STIMATE: variants seen among roughly 807,000 people sequenced by gnomAD.
STIMATE encodes the protein STIM activating enhancer.
Under a neutral mutation model 36.7 loss-of-function variants are expected in STIMATE, and 15 were observed. The observed-to-expected ratio is 0.41, with a 90% CI of 0.27 to 0.63. The LOEUF (loss-of-function observed/expected upper bound fraction) is 0.63, where lower values mean the gene tolerates loss of function less well. Ranked by LOEUF, STIMATE falls within the 20% of genes least tolerant of loss-of-function variation. The pLI, the probability that STIMATE is intolerant of heterozygous loss-of-function variation, is 0.32. For missense variants in STIMATE, 305 were observed against 397.3 expected (o/e 0.77, Z 1.98); for synonymous variants, 163 against 162.3 (o/e 1.00, Z -0.03).
rs114663536 is a variant in STIMATE, at chr3:52,851,689, C to T, written c.305+914G>A. Among the ~76,000 whole-genome samples the T allele has an allele frequency of 8.4e-3, 1,279 of 152,308 alleles. 20 individuals carry two copies. Among genetic ancestry groups the T allele is most frequent in the African/African-American group, 0.028 (1,183 of 41,554 alleles). The stretch of plus-strand genomic sequence containing the variant: ...TTGTGTCCAAAGCATCTCACGCCTG[C>T]GAGAACAAGGACATGTGATGTACAT... On this transcript the variant is annotated intron_variant, in intron 3 of 7. Coordinates refer to ENST00000355083, the MANE Select transcript of STIMATE (RefSeq NM_198563.5).
intron 1 of STIMATE, among the ~76,000 whole-genome samples, chr3:52,884,370 C>T (rs1413181755): frequency 2.6e-5 from 4 of 151,942 alleles, no homozygotes; most frequent in African/African-American, 7.3e-5. Flanking sequence ...CTCAGCCTCC[C>T]GAGTACCTGG....
chr3:52,842,065 A>G (rs1425110409), intron 7 of STIMATE, among the ~76,000 whole-genome samples: 2 of 152,182 alleles, frequency 1.3e-5, no homozygotes, highest in Non-Finnish European at 2.9e-5. Context: ...ATCTTAGAAC[A>G]TATTACGGTG....
At chr3:52,846,101 C>T (rs1700894495) in intron 4 of STIMATE, among the ~76,000 whole-genome samples, 1 of 152,248 alleles carries the variant, frequency 6.6e-6, no homozygotes, top group Non-Finnish European at 1.5e-5. Context: ...AGCCTGTCAG[C>T]TGTACACAAG....
chr3:52,847,093 A>T, intron 4 of STIMATE: 1 of 475,586 alleles, frequency 2.1e-6, no homozygotes, highest in Non-Finnish European at 2.7e-6. Context: ...TTTTTTTTGT[A>T]GAGACGGGAT....
intron 1 of STIMATE, among the ~76,000 whole-genome samples, chr3:52,874,247 T>C (rs1173641264): frequency 1.3e-5 from 2 of 152,226 alleles, no homozygotes; most frequent in Non-Finnish European, 1.5e-5. Context: ...GTGAGTTTTA[T>C]GGTACATAAA....
intron 2 of STIMATE, 43 bp downstream of exon 2, chr3:52,855,353 T>C: frequency 1.4e-6 from 1 of 725,984 alleles, no homozygotes; most frequent in Admixed American, 2.0e-5. Context: ...ACCCCCAACA[T>C]AGTCAAAAGC....
At position 52,847,404 on chromosome 3, in the gene STIMATE, G is replaced by C. The variant is rs546841530; in HGVS notation, c.427+2388C>G. ...AAGACCCATGAAGCACCGTGACCCAGATGTCAGGGCTTCCACATGGGAAAG... is the reference window on the plus strand; with the variant it reads ...AAGACCCATGAAGCACCGTGACCCACATGTCAGGGCTTCCACATGGGAAAG... On this transcript the variant is annotated intron_variant, in intron 4 of 7. Transcript: ENST00000355083. 406 of 1,278,784 alleles carry C rather than the reference G, an allele frequency of 3.2e-4. 3 individuals are homozygous for C. The highest frequency in any genetic ancestry group is 2.2e-3 in the South Asian group (179 of 79,994). 79.2% of individuals were successfully genotyped at this position (1,278,784 alleles called of 1,614,324 possible). A position where few individuals can be genotyped will look rare whatever the true frequency, so the allele number is the denominator to read the frequency against.
At chr3:52,892,508 G>T (rs985349805) in intron 1 of STIMATE, among the ~76,000 whole-genome samples, 1 of 152,234 alleles carries the variant, frequency 6.6e-6, no homozygotes, top group African/African-American at 2.4e-5. Flanking sequence ...CACTCCAGAA[G>T]GAGGAAAGGA....
chr3:52,865,089 G>A (rs1701281473), intron 1 of STIMATE, among the ~76,000 whole-genome samples: 6 of 152,066 alleles, frequency 3.9e-5, no homozygotes, highest in Admixed American at 3.9e-4. Context: ...TGGGACTACA[G>A]GCGCCTGCCA....
chr3:52,852,919 A>G (rs1575329669), intron 2 of STIMATE, among the ~76,000 whole-genome samples: 1 of 152,234 alleles, frequency 6.6e-6, no homozygotes, highest in African/African-American at 2.4e-5. Flanking sequence ...TCAAGGATTG[A>G]TATTTAAAAT....
At chr3:52,850,007 C>A in intron 3 of STIMATE, 94 bp from the exon 4 acceptor site, 1 of 1,480,566 alleles carries the variant, frequency 6.8e-7, no homozygotes. Context: ...CGGATGGACC[C>A]AGCATTTGTT....
chr3:52,858,039 T>C (rs1701139681), intron 1 of STIMATE, among the ~76,000 whole-genome samples: 1 of 152,218 alleles, frequency 6.6e-6, no homozygotes, highest in Admixed American at 6.5e-5. Flanking sequence ...GAGCGTCATC[T>C]GCAAGCCAAG....
intron 1 of STIMATE, among the ~76,000 whole-genome samples, chr3:52,889,172 C>T (rs934034782): frequency 6.6e-6 from 1 of 152,160 alleles, no homozygotes; most frequent in Non-Finnish European, 1.5e-5. Context: ...GGCACTAAGG[C>T]GACTTCGATG....
chr3:52,889,341 G>A (rs1701743807), intron 1 of STIMATE, among the ~76,000 whole-genome samples: 1 of 152,182 alleles, frequency 6.6e-6, no homozygotes, highest in African/African-American at 2.4e-5. Flanking sequence ...CTGGCGATCT[G>A]TGCCCACACC....
chr3:52,847,079 A>AT (rs139980720), intron 4 of STIMATE: 1,096 of 331,770 alleles, frequency 3.3e-3, no homozygotes, highest in Non-Finnish European at 4.0e-3. Flanking sequence ...ATTAAAAAAA[A>AT]TTTTTTTTTT....
intron 5 of STIMATE, 80 bp from the exon 6 acceptor site, chr3:52,843,878 C>T: frequency 1.3e-6 from 2 of 1,582,114 alleles, no homozygotes; most frequent in Non-Finnish European, 8.6e-7. Flanking sequence ...TACCCATAGG[C>T]CCTGAGGGAG....
chr3:52,846,266 A>T (rs945830518), intron 4 of STIMATE, among the ~76,000 whole-genome samples: 12 of 152,182 alleles, frequency 7.9e-5, no homozygotes, highest in Admixed American at 5.2e-4. Context: ...GAGCCAAAAA[A>T]CCCATTTCAT....
chr3:52,885,332 G>T (rs556147392), intron 1 of STIMATE, among the ~76,000 whole-genome samples: 1 of 151,938 alleles, frequency 6.6e-6, no homozygotes, highest in Non-Finnish European at 1.5e-5. Flanking sequence ...AGTCATATTT[G>T]CAAGTATTTT....
intron 1 of STIMATE, among the ~76,000 whole-genome samples, chr3:52,857,853 C>T (rs1174286088): frequency 1.3e-5 from 2 of 152,054 alleles, no homozygotes; most frequent in Non-Finnish European, 2.9e-5. Context: ...GAAGTCCAAA[C>T]CCACAGCACC....
Sources: gnomAD v4.1 joint callset for allele counts (sites outside exome capture counted in the v4.1 genomes callset) on GRCh38, gnomAD v4.1.1 for gene constraint, MANE v1.5 for transcripts, NCBI Gene and HGNC (gene_info 2026-07-23, HGNC 2026-07-21) for gene names.